ADGRG2: variants seen among roughly 807,000 people sequenced by gnomAD.
The protein encoded by ADGRG2 is adhesion G protein-coupled receptor G2, also known as G protein-coupled receptor 64.
A neutral mutation model predicts 74.1 loss-of-function variants in ADGRG2; 26 were observed. That is an observed-to-expected ratio of 0.35 (90% confidence interval 0.26 to 0.49). The LOEUF is 0.49. ADGRG2 is among the 20% of genes least tolerant of loss of function. The pLI is 0.99. For synonymous variants in ADGRG2, 296 were observed against 295.2 expected (o/e 1.00, Z -0.03); for missense variants, 619 against 763.1 (o/e 0.81, Z 2.22).
intron 1 of ADGRG2, among the ~76,000 whole-genome samples, chrX:19,095,007 G>A (rs1035986123): frequency 7.1e-5 from 8 of 111,919 alleles, no homozygotes; most frequent in African/African-American, 2.6e-4. Context: ...AACTTGACAG[G>A]TTCAACGGTT....
At chrX:19,075,235 C>A (rs2061725802) in intron 2 of ADGRG2, among the ~76,000 whole-genome samples, 1 of 106,582 alleles carries the variant, frequency 9.4e-6, no homozygotes, top group Admixed American at 1.0e-4. Flanking sequence ...CTAGATACAT[C>A]ATAGTGAAAA....
chrX:19,007,999 T>A lies in ADGRG2; in HGVS notation c.1547A>T (p.Glu516Val), dbSNP rs1486578918. The A allele has an allele frequency of 1.2e-5, 15 of 1,205,110 alleles. No homozygotes were observed. Among genetic ancestry groups the A allele is most frequent in the Non-Finnish European group, 1.7e-5 (15 of 891,654 alleles). ...LASRVQFNFFETPALFQDPSL... is the reference protein window; with the variant it reads ...LASRVQFNFFVTPALFQDPSL... Reference sequence around the variant, plus strand: ...TTTTACCTGAAACAAAGCAGGTGTTTCAAAAAAATTGAACTGAACCCTGGA... The same window carrying A: ...TTTTACCTGAAACAAAGCAGGTGTTACAAAAAAATTGAACTGAACCCTGGA... The change falls in exon 19 of 29, where the codon GAA (glutamate) becomes GTA (valine). Residue 516 changes from glutamate (E) to valine (V), a missense_variant. This residue lies in a region of ADGRG2 where 221 missense variants were observed against 340.6 expected (regional missense o/e 0.65). Transcript: ENST00000379869.
At chrX:19,050,224 G>C (rs1027632312) in intron 3 of ADGRG2, among the ~76,000 whole-genome samples, 3 of 111,471 alleles carry the variant, frequency 2.7e-5, no homozygotes, top group South Asian at 3.9e-4. Flanking sequence ...GAAGCATAGA[G>C]AATGCCTTCT....
At chrX:19,049,612 ATG>A (rs1404858422) in intron 3 of ADGRG2, among the ~76,000 whole-genome samples, 1 of 107,913 alleles carries the variant, frequency 9.3e-6, no homozygotes, top group Non-Finnish European at 1.9e-5. Context: ...TTGAAACACT[ATG>A]AGATTTTTTT....
At chrX:19,082,235 A>G (rs963111199) in intron 2 of ADGRG2, among the ~76,000 whole-genome samples, 32 of 111,445 alleles carry the variant, frequency 2.9e-4, no homozygotes, top group African/African-American at 1.0e-3. Flanking sequence ...CTGCATTTGC[A>G]CAGCACTTAG....
In ADGRG2 at chrX:19,068,906, C is replaced by T. The variant is rs1445946256; in HGVS notation, c.-1-71G>A. The T allele has an allele frequency of 1.2e-5, 6 of 485,079 alleles. No homozygotes were observed. In the Admixed American group the frequency reaches 1.4e-4, roughly 12 times the overall value. The allele number at this position is 485,079 out of a possible 1,213,427, so 40.0% of individuals were successfully genotyped here. On this transcript the variant is annotated intron_variant, in intron 2 of 28. Coordinates refer to ENST00000379869, the MANE Select transcript of ADGRG2 (RefSeq NM_001079858.3). ...CACAACACAGCAATACCTCAAAGGTCATTCCTCAACCAAGGCAACCTGTGA... is the reference window on the plus strand; with the variant it reads ...CACAACACAGCAATACCTCAAAGGTTATTCCTCAACCAAGGCAACCTGTGA...
At position 18,996,159 on chromosome X, in the gene ADGRG2, AG is replaced by A; in HGVS notation, c.2615-8del. On this transcript the variant is annotated splice_polypyrimidine_tract_variant and splice_region_variant and intron_variant, in intron 26 of 28. Coordinates refer to ENST00000379869, the MANE Select transcript of ADGRG2 (RefSeq NM_001079858.3). ...AAGATGAATATGAAAAATCCTAAGG[AG>A]GGAAAAAAAACCCACAATGAATTCC... 1.0e-6 allele frequency: 1 copy of A among 955,206 alleles called. No homozygotes were observed. The highest frequency in any genetic ancestry group is 1.5e-6 in the Non-Finnish European group (1 of 666,186). 78.7% of individuals were successfully genotyped at this position (955,206 alleles called of 1,213,427 possible).
intron 1 of ADGRG2, among the ~76,000 whole-genome samples, chrX:19,096,185 CGGATCACCTGAGGTCAGGA>C (rs1442828236): frequency 9.1e-6 from 1 of 110,039 alleles, no homozygotes; most frequent in Non-Finnish European, 1.9e-5. Flanking sequence ...CTGAGTCAGG[CGGATCACCTGAGGTCAGGA>C]GTTTGAGACC....
chrX:19,030,097 C>T (rs957898048), intron 9 of ADGRG2, among the ~76,000 whole-genome samples: 1 of 111,656 alleles, frequency 9.0e-6, no homozygotes, highest in Non-Finnish European at 1.9e-5. Flanking sequence ...GAAATTGTTA[C>T]CTATGTTTTT....
Position 18,997,253 on chromosome X carries a change from G to GAT in ADGRG2, c.2615-1103_2615-1102dup, listed in dbSNP as rs199786073. ...TGTATAAGAGAGGCCAAAATCAGAA[G>GAT]ATATATATATATTCAACCACCCCAA... On this transcript the variant is annotated intron_variant, in intron 26 of 28. Coordinates refer to ENST00000379869, the MANE Select transcript of ADGRG2 (RefSeq NM_001079858.3). Among the ~76,000 whole-genome samples the GAT allele has an allele frequency of 6.9e-3, 774 of 111,420 alleles. 4 individuals carry two copies. The highest frequency in any genetic ancestry group is 0.024 in the African/African-American group (731 of 30,665).
Position 19,066,445 on chromosome X carries a change from C to CTTTT in ADGRG2, c.118+2268_118+2271dup, listed in dbSNP as rs1225489257. ...AGTCCCATTCCTAATGAGGATGCTT[C>CTTTT]TTTTTTTTTTTTTTTTTTTTTTTTT... On this transcript the variant is annotated intron_variant, in intron 3 of 28. Coordinates refer to ENST00000379869, the MANE Select transcript of ADGRG2 (RefSeq NM_001079858.3). Among the ~76,000 whole-genome samples the CTTTT allele has an allele frequency of 3.1e-3, 123 of 39,940 alleles. 28 individuals carry two copies. The highest frequency in any genetic ancestry group is 0.011 in the African/African-American group (98 of 8,932). 34.7% of individuals were successfully genotyped at this position (39,940 alleles called of 115,157 possible).
In ADGRG2 at chrX:19,035,956, G is replaced by T; in HGVS notation, c.248C>A (p.Pro83His). The T allele has an allele frequency of 2.0e-6, 2 of 994,958 alleles. No individual in the cohort carries two copies. Among genetic ancestry groups the T allele is most frequent in the Non-Finnish European group, 2.8e-6 (2 of 710,496 alleles). The allele number at this position is 994,958 out of a possible 1,213,427, so 82.0% of individuals were successfully genotyped here. A position where few individuals can be genotyped will look rare whatever the true frequency, so the allele number is the denominator to read the frequency against. The part of the protein sequence containing the change: ...SLNDVTLSLL[P>H]SNETEKTKIT... Reference sequence around the variant, plus strand: ...CTTGATATTACCTGTTTCGTTTGAAGGGAGTAAGCTTAAAGTAACATCTGA... The same window carrying T: ...CTTGATATTACCTGTTTCGTTTGAATGGAGTAAGCTTAAAGTAACATCTGA... Residue 83 changes from proline to histidine, a missense_variant, in exon 7 of 29, where the codon CCT becomes CAT. This residue lies in a region of ADGRG2 where 292 missense variants were observed against 318.0 expected (regional missense o/e 0.92). Coordinates refer to ENST00000379869, the MANE Select transcript of ADGRG2 (RefSeq NM_001079858.3).
rs774646828 is a variant in ADGRG2, at chrX:19,007,305, A to G, written c.1619T>C (p.Val540Ala). ...SLISYVISSS[V>A]ANLTVRNLTR... is the part of the protein sequence containing the mutation. ...CAAGTTCCTGACGGTCAGGTTTGCAACACTCGATGATATGACGTAGCTGAT... is the reference window on the plus strand; with the variant it reads ...CAAGTTCCTGACGGTCAGGTTTGCAGCACTCGATGATATGACGTAGCTGAT... The change falls in exon 20 of 29, where the codon GTT becomes GCT. Residue 540 changes from valine (V) to alanine (A), a missense_variant. Physicochemically the swap from Val to Ala is moderately conservative, Grantham distance 64 (BLOSUM62 0). Around this residue, in one of 3 missense-constraint regions of ADGRG2, gnomAD observed 221 missense variants for 340.6 expected, o/e 0.65. Transcript: ENST00000379869. 1 of 1,206,887 alleles carries G rather than the reference A, an allele frequency of 8.3e-7. No homozygotes were observed. The highest frequency in any genetic ancestry group is 1.1e-6 in the Non-Finnish European group (1 of 891,079).
chrX:18,993,114 A>G (rs1449292425), intron 28 of ADGRG2, among the ~76,000 whole-genome samples: 2 of 112,145 alleles, frequency 1.8e-5, no homozygotes, highest in African/African-American at 6.5e-5. Context: ...AGCTAAGGCT[A>G]TACAACAGTT....
intron 3 of ADGRG2, among the ~76,000 whole-genome samples, chrX:19,057,899 A>G (rs1379158851): frequency 8.9e-6 from 1 of 112,280 alleles, no homozygotes. Context: ...GATTATATCA[A>G]TACTGGTTTT....
At chrX:19,064,252 G>A (rs5955687) in intron 3 of ADGRG2, among the ~76,000 whole-genome samples, 2 of 111,625 alleles carry the variant, frequency 1.8e-5, no homozygotes, top group East Asian at 5.7e-4. Context: ...TCTGCTATAG[G>A]TGGCTTAGCA....
At chrX:19,023,788 T>G (rs2060642860) in intron 12 of ADGRG2, 121 bp downstream of exon 12, 5 of 523,720 alleles carry the variant, frequency 9.5e-6, no homozygotes, top group Middle Eastern at 6.7e-4. Flanking sequence ...AGTCCATTCA[T>G]TCTCTTACAC....
At chrX:19,004,941 T>TG in intron 22 of ADGRG2, 62 bp from the exon 23 acceptor site, 4 of 917,818 alleles carry the variant, frequency 4.4e-6, no homozygotes, top group Non-Finnish European at 3.0e-6. Flanking sequence ...AGACTTATGA[T>TG]GTATCAAGTA....
At position 19,068,614 on chromosome X, in the gene ADGRG2, ATAT is replaced by A. The variant is rs1320764541; in HGVS notation, c.118+100_118+102del. The A allele has an allele frequency of 2.7e-5, 12 of 442,107 alleles. No individual in the cohort carries two copies. The East Asian group carries it at 2.9e-4, about 11-fold the overall frequency. 36.4% of individuals were successfully genotyped at this position (442,107 alleles called of 1,213,427 possible). On this transcript the variant is annotated intron_variant, in intron 3 of 28. Transcript: ENST00000379869. ...CACTTAAAAATGGTTAAAATGATAA[ATAT>A]TATGTTATTTTACCACAGTAAAAAA...
Sources: gnomAD v4.1 joint callset for allele counts (sites outside exome capture counted in the v4.1 genomes callset) on GRCh38, gnomAD v4.1.1 for gene constraint, gnomAD v4.1.1 regional missense constraint, MANE v1.5 for transcripts, NCBI Gene and HGNC (gene_info 2026-07-23, HGNC 2026-07-21) for gene names.